Variants in SRRM4 observed in about 807,000 individuals in gnomAD.
The protein encoded by SRRM4 is serine/arginine repetitive matrix 4, also known as serine/arginine repetitive matrix protein 4.
SRRM4 carries 33 observed loss-of-function variants against 68.9 expected under a neutral mutation model. That is an observed-to-expected ratio of 0.48 (90% CI 0.36 to 0.64). The LOEUF (loss-of-function observed/expected upper bound fraction) is 0.64. SRRM4 is among the 30% of genes least tolerant of loss of function. The pLI is 0.00. For missense variants in SRRM4, 817 were observed against 827.1 expected, an observed-to-expected ratio of 0.99 and a Z score of 0.15; for synonymous variants, 318 against 318.8, an observed-to-expected ratio of 1.00 and a Z score of 0.03.
At chr12:119,002,592 T>G (rs187331706) in intron 1 of SRRM4, among the ~76,000 whole-genome samples, 1 of 152,308 alleles carries the variant, frequency 6.6e-6, no homozygotes, top group East Asian at 1.9e-4. Flanking sequence ...GGCAAACAAG[T>G]AAGAAGGTAG....
At chr12:119,056,743 C>A (rs1024567032) in intron 1 of SRRM4, among the ~76,000 whole-genome samples, 1 of 152,112 alleles carries the variant, frequency 6.6e-6, no homozygotes. Context: ...AGATTTCAAG[C>A]AATTCCCTCC....
chr12:118,994,422 T>A lies in SRRM4; in HGVS notation c.131+12409T>A, dbSNP rs1384178957. ...CCACAGAGACTCCCGGCTTGCAACT[T>A]GGGCAAGATGCCATTTCAGCCACCC... On this transcript the variant is annotated intron_variant, in intron 1 of 12. Transcript: ENST00000267260. Among the ~76,000 whole-genome samples the A allele has an allele frequency of 2.0e-5, 3 of 152,074 alleles. No individual in the cohort carries two copies. The South Asian group carries it at 6.2e-4, about 32-fold the overall frequency.
chr12:119,123,299 G>A (rs1315988118), intron 6 of SRRM4, among the ~76,000 whole-genome samples: 2 of 152,212 alleles, frequency 1.3e-5, no homozygotes, highest in Admixed American at 1.3e-4. Flanking sequence ...CCTTGAGTTA[G>A]CTGAGGGAAG....
chr12:118,986,823 A>G (rs1953285019), intron 1 of SRRM4, among the ~76,000 whole-genome samples: 1 of 152,118 alleles, frequency 6.6e-6, no homozygotes, highest in African/African-American at 2.4e-5. Context: ...TAACTCCTTT[A>G]ATAGGGAAGG....
Position 119,037,225 on chromosome 12 carries a change from G to A in SRRM4, c.131+55212G>A, listed in dbSNP as rs947021879. Among the ~76,000 whole-genome samples the A allele has an allele frequency of 2.9e-4, 44 of 152,268 alleles. 1 individual carries two copies. The highest frequency in any genetic ancestry group is 6.3e-4 in the African/African-American group (26 of 41,546). On this transcript the variant is annotated intron_variant, in intron 1 of 12. Coordinates refer to ENST00000267260, the MANE Select transcript of SRRM4 (RefSeq NM_194286.4). ...GGATAGGGAGTCCGTGGGAGAAAGA[G>A]AGAGAGATTTACCAGAATAAATGAC...
chr12:119,037,800 T>C (rs554134593), intron 1 of SRRM4, among the ~76,000 whole-genome samples: 10 of 152,334 alleles, frequency 6.6e-5, no homozygotes, highest in Middle Eastern at 3.4e-3. Context: ...GATTTAGGAC[T>C]TGAAATATCG....
chr12:119,088,497 A>G (rs531517881), intron 1 of SRRM4, among the ~76,000 whole-genome samples: 4 of 152,320 alleles, frequency 2.6e-5, no homozygotes, highest in African/African-American at 9.6e-5. Flanking sequence ...AGTTTAATGT[A>G]TATTTCCCAT....
At chr12:119,030,933 A>G (rs1953585223) in intron 1 of SRRM4, 1 of 152,242 alleles carries the variant, frequency 6.6e-6, no homozygotes, top group Non-Finnish European at 1.5e-5. Context: ...AAAAATTTGC[A>G]GTGAACGTCA....
rs569304784 is a variant in SRRM4 at position 119,122,792 on chromosome 12, T to C, written c.515+672T>C. Among the ~76,000 whole-genome samples, 4 of 152,192 alleles carry C rather than the reference T, an allele frequency of 2.6e-5. No individual in the cohort carries two copies. The South Asian group carries it at 8.3e-4, about 32-fold the overall frequency. On this transcript the variant is annotated intron_variant, in intron 6 of 12. Transcript: ENST00000267260. Reference sequence around the variant, plus strand: ...ATGGTGGTTTTTACCTGTGCATGGGTGGTCATGGGGGTGTGAGCACATGGG... The same window carrying C: ...ATGGTGGTTTTTACCTGTGCATGGGCGGTCATGGGGGTGTGAGCACATGGG...
rs754378950 is a variant in SRRM4 at position 119,156,649 on chromosome 12, C to T, written c.1687C>T (p.Arg563Trp). ...TCGGAGCCGGAGCCGGAGACGGAGC[C>T]GGACCCGCACGAGCAGCAGCTCTAG... ...RSRSRSRRRS[R>W]TRTSSSSSSR... The change falls in exon 13 of 13, where the codon CGG (arginine) becomes TGG (tryptophan). Residue 563 changes from arginine to tryptophan, a missense_variant. Coordinates refer to ENST00000267260, the MANE Select transcript of SRRM4 (RefSeq NM_194286.4). The T allele has an allele frequency of 3.2e-6, 5 of 1,582,938 alleles. No individual in the cohort carries two copies. Among genetic ancestry groups the T allele is most frequent in the East Asian group, 2.3e-5 (1 of 42,818 alleles).
At chr12:119,086,639 C>T (rs1249696426) in intron 1 of SRRM4, among the ~76,000 whole-genome samples, 2 of 152,162 alleles carry the variant, frequency 1.3e-5, no homozygotes, top group Admixed American at 1.3e-4. Flanking sequence ...GCAGCAGGGC[C>T]CCTTCATGGG....
intron 9 of SRRM4, among the ~76,000 whole-genome samples, chr12:119,149,123 G>C (rs1379749329): frequency 6.6e-6 from 1 of 152,212 alleles, no homozygotes; most frequent in Admixed American, 6.5e-5. Flanking sequence ...GCCAAGGCAG[G>C]TGGATCACGA....
At chr12:119,035,432 G>A (rs1353323575) in intron 1 of SRRM4, among the ~76,000 whole-genome samples, 1 of 152,180 alleles carries the variant, frequency 6.6e-6, no homozygotes, top group Non-Finnish European at 1.5e-5. Context: ...GCAGATAGAA[G>A]TAATTATTCA....
chr12:119,116,899 G>A (rs1954183536), intron 3 of SRRM4, 38 bp from the exon 4 acceptor site: 1 of 1,604,794 alleles, frequency 6.2e-7, no homozygotes, highest in Non-Finnish European at 8.5e-7. Flanking sequence ...TGGCCTTTAA[G>A]AGCCTCCTTC....
chr12:119,063,471 C>T (rs943549841), intron 1 of SRRM4, among the ~76,000 whole-genome samples: 2 of 152,132 alleles, frequency 1.3e-5, no homozygotes, highest in African/African-American at 4.8e-5. Flanking sequence ...TCTGTAGTTA[C>T]TAAGACAGAG....
At chr12:119,126,270 C>T (rs987946232) in intron 7 of SRRM4, among the ~76,000 whole-genome samples, 2 of 152,054 alleles carry the variant, frequency 1.3e-5, no homozygotes, top group South Asian at 2.1e-4. Flanking sequence ...GTGATCCAAC[C>T]GTCTCGGCCT....
intron 1 of SRRM4, among the ~76,000 whole-genome samples, chr12:118,996,768 G>A (rs972344207): frequency 1.3e-5 from 2 of 152,212 alleles, no homozygotes; most frequent in Non-Finnish European, 2.9e-5. Flanking sequence ...GCCAGAGTTA[G>A]TCCAGGCATG....
chr12:119,062,849 C>T (rs753201637), intron 1 of SRRM4, among the ~76,000 whole-genome samples: 8 of 152,160 alleles, frequency 5.3e-5, no homozygotes, highest in Non-Finnish European at 7.3e-5. Flanking sequence ...TGGCCCTAGG[C>T]AATGGGCCTA....
chr12:119,007,056 C>G (rs565764785), intron 1 of SRRM4, among the ~76,000 whole-genome samples: 1 of 152,324 alleles, frequency 6.6e-6, no homozygotes, highest in African/African-American at 2.4e-5. Context: ...ATTAACCCTT[C>G]CCTCCCCAGC....
Sources: allele counts gnomAD v4.1 joint callset (sites outside exome capture counted in the v4.1 genomes callset), GRCh38; gene constraint gnomAD v4.1.1; transcripts MANE v1.5; gene names NCBI Gene and HGNC (gene_info 2026-07-23, HGNC 2026-07-21).